The following ZFP90 variants were observed in gnomAD, a reference collection of about 807,000 sequenced individuals.
ZFP90 encodes ZFP90 zinc finger protein, also known as zinc finger protein 90 homolog.
Under a neutral mutation model 60.8 loss-of-function variants are expected in ZFP90, and 38 were observed. The observed-to-expected ratio is 0.62, with a 90% CI of 0.48 to 0.82. The LOEUF is 0.82. Ranked by LOEUF, ZFP90 falls within the 40% of genes least tolerant of loss-of-function variation. ZFP90 has a pLI of 0.00. For synonymous variants in ZFP90, 287 were observed against 264.8 expected, an observed-to-expected ratio of 1.08 and a Z score of -0.82; for missense variants, 711 against 759.1, an observed-to-expected ratio of 0.94 and a Z score of 0.74.
chr16:68,537,095 C>T (rs553063308), upstream of ZFP90, among the ~76,000 whole-genome samples: 3 of 151,174 alleles, frequency 2.0e-5, no homozygotes, highest in East Asian at 5.9e-4. Context: ...AATTCTTTTC[C>T]CCTTATGCAC....
In ZFP90 at chr16:68,566,457, C is replaced by T. The variant is rs1021456020; in HGVS notation, c.*1759C>T. The T allele has an allele frequency of 2.0e-6, 2 of 985,418 alleles. No homozygotes were observed. Among genetic ancestry groups the T allele is most frequent in the Non-Finnish European group, 2.4e-6 (2 of 829,930 alleles). The allele number at this position is 985,418 out of a possible 1,614,324, so 61.0% of individuals were successfully genotyped here. Reference sequence around the variant, plus strand: ...ATAGCAGGATTCATTGCCTTTCTCTCATCATGGATGGCATGCAGCAGCACC... The same window carrying T: ...ATAGCAGGATTCATTGCCTTTCTCTTATCATGGATGGCATGCAGCAGCACC... On this transcript the variant is annotated 3_prime_UTR_variant, in exon 5 of 5. Transcript: ENST00000563169.
intron 4 of ZFP90, among the ~76,000 whole-genome samples, chr16:68,560,536 A>ATTGATTTT (rs750126598): frequency 1.1e-5 from 1 of 93,440 alleles, no homozygotes; most frequent in Non-Finnish European, 2.6e-5. Flanking sequence ...ACCACACTGG[A>ATTGATTTT]TTTTATTTAT....
At chr16:68,541,367 G>T (rs1156631235) in intron 2 of ZFP90, among the ~76,000 whole-genome samples, 1 of 151,712 alleles carries the variant, frequency 6.6e-6, no homozygotes, top group Non-Finnish European at 1.5e-5. Flanking sequence ...TAAAGATGGG[G>T]TTTCTCCAGG....
In ZFP90 at chr16:68,551,415, CTTTTT is replaced by C. The variant is rs10538200; in HGVS notation, c.34-6564_34-6560del. ...GCATAAGGAAAGGGAACATGTGATCCTTTTTTTTTTTTTTTTTTTTTTTGGAGACG... is the reference window on the plus strand; with the variant it reads ...GCATAAGGAAAGGGAACATGTGATCCTTTTTTTTTTTTTTTTTTGGAGACG... On this transcript the variant is annotated intron_variant, in intron 2 of 4. Coordinates refer to ENST00000563169, the MANE Select transcript of ZFP90 (RefSeq NM_001305203.2). Among the ~76,000 whole-genome samples, 24 of 123,018 alleles carry C rather than the reference CTTTTT, an allele frequency of 2.0e-4. 2 individuals carry two copies. The highest frequency in any genetic ancestry group is 2.3e-4 in the East Asian group (1 of 4,354). The allele number at this position is 123,018 out of a possible 152,430, so 80.7% of individuals were successfully genotyped here. A position where few individuals can be genotyped will look rare whatever the true frequency, so the allele number is the denominator to read the frequency against.
chr16:68,543,548 C>A (rs1458527395), intron 2 of ZFP90, among the ~76,000 whole-genome samples: 3 of 131,490 alleles, frequency 2.3e-5, no homozygotes, highest in African/African-American at 9.1e-5. Context: ...CATTATACAT[C>A]CTTATTTGCC....
upstream of ZFP90, among the ~76,000 whole-genome samples, chr16:68,537,714 C>T (rs572942234): frequency 2.6e-5 from 4 of 152,084 alleles, no homozygotes; most frequent in South Asian, 4.2e-4. Context: ...CACAGGCGCA[C>T]ACTATTGCAA....
In ZFP90 at chr16:68,544,500, TAGAGA is replaced by T; in HGVS notation, c.33+4681_33+4685del. The stretch of plus-strand genomic sequence containing the variant: ...TATGGAGAACCAGATCTCTTCATGT[TAGAGA>T]AGAGATTTCCTTGATAGAGAGGAAA... On this transcript the variant is annotated intron_variant, in intron 2 of 4. Coordinates refer to ENST00000563169, the MANE Select transcript of ZFP90 (RefSeq NM_001305203.2). Among the ~76,000 whole-genome samples the T allele has an allele frequency of 2.0e-5, 3 of 152,286 alleles. 1 individual carries two copies. The Middle Eastern group carries it at 0.01, about 518-fold the overall frequency.
In ZFP90 at chr16:68,564,429, A is replaced by G. The variant is rs571861191; in HGVS notation, c.1642A>G (p.Thr548Ala). Residue 548 changes from threonine (T) to alanine (A), a missense_variant, in exon 5 of 5, where the codon ACT becomes GCT. Thr to Ala is a moderately conservative substitution (Grantham distance 58). Around this residue, in one of 5 missense-constraint regions of ZFP90, gnomAD observed 295 missense variants for 274.0 expected, o/e 1.08. Coordinates refer to ENST00000563169, the MANE Select transcript of ZFP90 (RefSeq NM_001305203.2). ...GCTTACTCAACATGAGAGAACCCACACTGGAGAGAAACCCTATGAATGTAT... is the reference window on the plus strand; with the variant it reads ...GCTTACTCAACATGAGAGAACCCACGCTGGAGAGAAACCCTATGAATGTAT... Reference protein sequence around the residue: ...SSLTQHERTHTGEKPYECIDC... With the variant: ...SSLTQHERTHAGEKPYECIDC... 1 of 1,613,982 alleles carries G rather than the reference A, an allele frequency of 6.2e-7. No homozygotes were observed. The highest frequency in any genetic ancestry group is 1.7e-5 in the Admixed American group (1 of 60,006).
At chr16:68,548,482 T>C (rs1317846447) in intron 2 of ZFP90, among the ~76,000 whole-genome samples, 2 of 124,238 alleles carry the variant, frequency 1.6e-5, no homozygotes, top group African/African-American at 7.1e-5. Context: ...TCCTTTTTTT[T>C]TTTTTTTTTT....
intron 2 of ZFP90, among the ~76,000 whole-genome samples, chr16:68,542,489 G>A (rs1453557681): frequency 6.6e-6 from 1 of 152,104 alleles, no homozygotes; most frequent in Non-Finnish European, 1.5e-5. Context: ...TACTAGGGAG[G>A]CTGAGGCAGG....
chr16:68,541,955 CTGA>C (rs2091057875), intron 2 of ZFP90, among the ~76,000 whole-genome samples: 1 of 152,122 alleles, frequency 6.6e-6, no homozygotes. Flanking sequence ...ATTGAATGGC[CTGA>C]TGATGTCCAT....
At chr16:68,545,175 G>T (rs1030503764) in intron 2 of ZFP90, among the ~76,000 whole-genome samples, 10 of 151,778 alleles carry the variant, frequency 6.6e-5, no homozygotes, top group African/African-American at 2.4e-4. Flanking sequence ...CACCGCGCCC[G>T]GCCCATGCAC....
intron 2 of ZFP90, among the ~76,000 whole-genome samples, chr16:68,543,230 A>G (rs2091084116): frequency 6.6e-6 from 1 of 152,188 alleles, no homozygotes; most frequent in Non-Finnish European, 1.5e-5. Flanking sequence ...CAAAGAGGCC[A>G]GTGTAGCTTG....
intron 2 of ZFP90, among the ~76,000 whole-genome samples, chr16:68,553,378 C>T (rs72783088): frequency 0.028 from 4,312 of 151,750 alleles, 98 homozygotes; most frequent in Non-Finnish European, 0.039. Context: ...AGGGAAAAGG[C>T]GGAACACAGG....
chr16:68,559,434 G>T (rs1254979691), intron 4 of ZFP90, among the ~76,000 whole-genome samples: 1 of 152,032 alleles, frequency 6.6e-6, no homozygotes, highest in Non-Finnish European at 1.5e-5. Context: ...AATTGCTCAG[G>T]CTGGATACCC....
chr16:68,546,333 T>C (rs1484644590), intron 2 of ZFP90, among the ~76,000 whole-genome samples: 2 of 152,232 alleles, frequency 1.3e-5, no homozygotes, highest in African/African-American at 4.8e-5. Flanking sequence ...TCATATGTAA[T>C]GCAGCCATCA....
intron 2 of ZFP90, among the ~76,000 whole-genome samples, chr16:68,556,747 A>G (rs188912309): frequency 1.3e-5 from 2 of 152,338 alleles, no homozygotes; most frequent in Admixed American, 1.3e-4. Context: ...AGAACTGGGC[A>G]GTGAGAGATA....
intron 2 of ZFP90, among the ~76,000 whole-genome samples, chr16:68,553,700 C>G (rs2091297133): frequency 6.6e-6 from 1 of 152,128 alleles, no homozygotes; most frequent in Non-Finnish European, 1.5e-5. Flanking sequence ...CTCACTGTAG[C>G]CTTGAACTCC....
Position 68,565,946 on chromosome 16 carries a change from G to A in ZFP90, c.*1248G>A. On this transcript the variant is annotated 3_prime_UTR_variant, in exon 5 of 5. Transcript: ENST00000563169. ...TCAAGACCAGCCTGGACAACATGGT[G>A]AAACCCCATCTCTTTAAAAAAAAAA... The A allele has an allele frequency of 1.3e-6, 1 of 772,704 alleles. No homozygotes were observed. The highest frequency in any genetic ancestry group is 6.7e-4 in the Middle Eastern group (1 of 1,502). The allele number at this position is 772,704 out of a possible 1,614,324, so 47.9% of individuals were successfully genotyped here.
Sources: gnomAD v4.1 joint callset for allele counts (sites outside exome capture counted in the v4.1 genomes callset) on GRCh38, gnomAD v4.1.1 for gene constraint, gnomAD v4.1.1 regional missense constraint, MANE v1.5 for transcripts, NCBI Gene and HGNC (gene_info 2026-07-23, HGNC 2026-07-21) for gene names.